PALM2AKAP2: variants seen among roughly 807,000 people sequenced by gnomAD.
PALM2AKAP2 encodes PALM2-AKAP2 fusion protein.
PALM2AKAP2 carries 37 observed loss-of-function variants against 71.5 expected under a neutral mutation model. The observed-to-expected ratio is 0.52, with a 90% CI of 0.40 to 0.68. The LOEUF is 0.68. Ranked by LOEUF, PALM2AKAP2 falls within the 30% of genes least tolerant of loss-of-function variation. PALM2AKAP2 has a pLI of 0.00. For synonymous variants in PALM2AKAP2, 468 were observed against 478.8 expected (o/e 0.98, Z 0.29); for missense variants, 1,224 against 1,191.8 (o/e 1.03, Z -0.40).
chr9:109,785,534 T>C (rs1179488996), intron 1 of PALM2AKAP2, among the ~76,000 whole-genome samples: 1 of 152,204 alleles, frequency 6.6e-6, no homozygotes, highest in Admixed American at 6.5e-5. Flanking sequence ...AGAGGTTTAA[T>C]GGACTTATAG....
In PALM2AKAP2 at chr9:110,048,714, GC is replaced by G; in HGVS notation, c.18del (p.Ala8LeufsTer57). ...ACTCCCTGCAGATGCGCTGGCCCCA[GC>G]CCGGGGCTGCCGCTCGCCTTCCCCC... On this transcript the variant is annotated frameshift_variant, in exon 1 of 4. Transcript: ENST00000374525. LOFTEE classifies it high-confidence loss of function. 1 of 1,547,278 alleles carries G rather than the reference GC, an allele frequency of 6.5e-7. No homozygotes were observed. Among genetic ancestry groups the G allele is most frequent in the East Asian group, 2.4e-5 (1 of 41,190 alleles).
chr9:110,103,706 G>A (rs1835052220), intron 1 of PALM2AKAP2, among the ~76,000 whole-genome samples: 1 of 152,112 alleles, frequency 6.6e-6, no homozygotes, highest in Non-Finnish European at 1.5e-5. Context: ...TTTTTATCCT[G>A]AATTTTTGTC....
intron 1 of PALM2AKAP2, among the ~76,000 whole-genome samples, chr9:109,716,574 G>T (rs1828323252): frequency 6.9e-6 from 1 of 144,324 alleles, no homozygotes; most frequent in South Asian, 2.2e-4. Context: ...TCTGTAAGCT[G>T]GCAGGTACCT....
intron 1 of PALM2AKAP2, among the ~76,000 whole-genome samples, chr9:110,123,415 T>C (rs1835532345): frequency 6.6e-6 from 1 of 152,190 alleles, no homozygotes; most frequent in African/African-American, 2.4e-5. Flanking sequence ...TTTCCTCTTA[T>C]TCTAAAGACC....
At chr9:109,688,626 C>T (rs1297519155) in intron 1 of PALM2AKAP2, among the ~76,000 whole-genome samples, 2 of 152,216 alleles carry the variant, frequency 1.3e-5, no homozygotes, top group Non-Finnish European at 2.9e-5. Context: ...ACTTGAGTTA[C>T]GATGAGGCCA....
At position 109,854,763 on chromosome 9, in the gene PALM2AKAP2, C is replaced by CTTTT. The variant is rs34401582; in HGVS notation, c.46-12704_46-12701dup. ...GTAGTCAGTTTTTAAAAGAATGTAT[C>CTTTT]TTTTTTTTTTTTTTTTTTTTTTTTT... is the stretch of plus-strand genomic sequence containing the variant. On this transcript the variant is annotated intron_variant, in intron 1 of 9. Coordinates refer to the PALM2AKAP2 transcript ENST00000302798. Among the ~76,000 whole-genome samples the CTTTT allele has an allele frequency of 2.8e-3, 187 of 66,188 alleles. 45 individuals are homozygous for CTTTT. Among genetic ancestry groups the CTTTT allele is most frequent in the South Asian group, 7.9e-3 (11 of 1,388 alleles). The allele number at this position is 66,188 out of a possible 152,430, so 43.4% of individuals were successfully genotyped here.
In PALM2AKAP2 at chr9:109,930,163, C is replaced by T. The variant is rs112141218; in HGVS notation, c.395-1764C>T. On this transcript the variant is annotated intron_variant, in intron 5 of 9. Transcript: ENST00000302798. ...AAAGCAACTTGAGCCTCACTCCACC[C>T]TAAGTCCTGCTGTTCTAATCTTCCT... Among the ~76,000 whole-genome samples, 961 of 152,264 alleles carry T rather than the reference C, an allele frequency of 6.3e-3. 8 individuals carry two copies. The highest frequency in any genetic ancestry group is 0.022 in the African/African-American group (910 of 41,544).
chr9:110,028,680 G>A (rs1833225314), intron 7 of PALM2AKAP2, among the ~76,000 whole-genome samples: 1 of 151,966 alleles, frequency 6.6e-6, no homozygotes, highest in Non-Finnish European at 1.5e-5. Flanking sequence ...CTAAAGCAGG[G>A]GAGCTCCAAT....
intron 1 of PALM2AKAP2, among the ~76,000 whole-genome samples, chr9:109,854,654 C>T (rs7871968): frequency 0.061 from 9,262 of 151,550 alleles, 284 homozygotes; most frequent in Middle Eastern, 0.11. Flanking sequence ...TAGATGCTAT[C>T]CTGTAGCATG....
chr9:109,708,869 T>C (rs118100564), intron 1 of PALM2AKAP2, among the ~76,000 whole-genome samples: 6,444 of 152,260 alleles, frequency 0.042, 183 homozygotes, highest in Non-Finnish European at 0.053. Flanking sequence ...TTGCCAGCAT[T>C]GGGTAGTTGA....
At chr9:109,644,973 GCCCTC>G (rs1416713987) in intron 1 of PALM2AKAP2, among the ~76,000 whole-genome samples, 8 of 152,268 alleles carry the variant, frequency 5.3e-5, no homozygotes, top group African/African-American at 1.4e-4. Context: ...CTTCTTCTGA[GCCCTC>G]CAAACTGTTT....
intron 1 of PALM2AKAP2, among the ~76,000 whole-genome samples, chr9:109,727,651 T>C (rs1006804972): frequency 2.0e-4 from 31 of 152,216 alleles, no homozygotes; most frequent in African/African-American, 7.5e-4. Context: ...AAAATGAATA[T>C]AAAAGGCAGA....
At position 110,022,493 on chromosome 9, in the gene PALM2AKAP2, C is replaced by G. The variant is rs1833090519; in HGVS notation, c.582+6454C>G. Among the ~76,000 whole-genome samples, 6 of 152,126 alleles carry G rather than the reference C, an allele frequency of 3.9e-5. No homozygotes were observed. In the South Asian group the frequency reaches 1.0e-3, roughly 26 times the overall value. On this transcript the variant is annotated intron_variant, in intron 7 of 9. Transcript: ENST00000302798. ...CCCTTGATCTTCCTGCTCTCCCTCT[C>G]TCTTTATATTCACATCTTTGGCTCA...
intron 3 of PALM2AKAP2, among the ~76,000 whole-genome samples, chr9:109,909,451 C>T (rs1156649834): frequency 6.6e-6 from 1 of 152,214 alleles, no homozygotes; most frequent in Non-Finnish European, 1.5e-5. Flanking sequence ...CAGTCATTTA[C>T]TCAACCAACA....
At chr9:109,870,840 T>C (rs1829584812) in intron 2 of PALM2AKAP2, among the ~76,000 whole-genome samples, 1 of 152,244 alleles carries the variant, frequency 6.6e-6, no homozygotes, top group African/African-American at 2.4e-5. Flanking sequence ...ACAGTGATTA[T>C]TGAAGTTCCT....
chr9:110,167,060 G>T (rs895298047), intron 3 of PALM2AKAP2, among the ~76,000 whole-genome samples: 43 of 152,164 alleles, frequency 2.8e-4, no homozygotes, highest in Admixed American at 2.8e-3. Flanking sequence ...TGTGTGCAGG[G>T]GAACTGCCCT....
At chr9:109,821,832 T>C (rs1312633983) in intron 1 of PALM2AKAP2, among the ~76,000 whole-genome samples, 2 of 152,224 alleles carry the variant, frequency 1.3e-5, no homozygotes, top group Non-Finnish European at 2.9e-5. Flanking sequence ...CTTAGGGATC[T>C]TTGTAAACTG....
intron 1 of PALM2AKAP2, among the ~76,000 whole-genome samples, chr9:110,124,679 C>G (rs893570014): frequency 6.6e-6 from 1 of 152,192 alleles, no homozygotes; most frequent in African/African-American, 2.4e-5. Context: ...AAATGCACAT[C>G]TGTTTTCTTG....
chr9:109,658,108 T>A (rs1827334341), intron 1 of PALM2AKAP2, among the ~76,000 whole-genome samples: 1 of 151,962 alleles, frequency 6.6e-6, no homozygotes, highest in Non-Finnish European at 1.5e-5. Context: ...GAAAGTAAGA[T>A]TTGGTTTGGG....
Sources: gnomAD v4.1 joint callset for allele counts (sites outside exome capture counted in the v4.1 genomes callset) on GRCh38, gnomAD v4.1.1 for gene constraint, MANE v1.5 for transcripts, NCBI Gene and HGNC (gene_info 2026-07-23, HGNC 2026-07-21) for gene names.